The following IREB2 variants were observed in gnomAD, a reference collection of about 807,000 sequenced individuals.
IREB2 encodes the protein iron responsive element binding protein 2, also known as iron-responsive element-binding protein 2.
Under a neutral mutation model 118.8 loss-of-function variants are expected in IREB2, and 39 were observed. That is an observed-to-expected ratio of 0.33 (90% CI 0.25 to 0.43). The LOEUF is 0.43. IREB2 is among the 20% of genes least tolerant of loss of function. IREB2 has a pLI of 1.00. For missense variants in IREB2, 900 were observed against 1,147.3 expected (o/e 0.78, Z 3.11); for synonymous variants, 372 against 392.2 (o/e 0.95, Z 0.61).
intron 7 of IREB2, among the ~76,000 whole-genome samples, chr15:78,472,516 G>A (rs920712383): frequency 3.3e-5 from 5 of 152,048 alleles, no homozygotes; most frequent in South Asian, 2.1e-4. Flanking sequence ...ACAGGCACGT[G>A]CCACCACGCC....
chr15:78,474,538 C>T (rs891280530), intron 8 of IREB2: 1 of 152,148 alleles, frequency 6.6e-6, no homozygotes, highest in African/African-American at 2.4e-5. Flanking sequence ...TTAGCCTTCT[C>T]TAGCTGTTTT....
intron 18 of IREB2, among the ~76,000 whole-genome samples, chr15:78,491,164 A>G (rs1443930410): frequency 1.3e-5 from 2 of 152,174 alleles, no homozygotes; most frequent in Non-Finnish European, 2.9e-5. Context: ...TTTATGGGCT[A>G]TAACATGTAC....
At chr15:78,453,713 T>C (rs897057098) in intron 2 of IREB2, among the ~76,000 whole-genome samples, 1 of 152,156 alleles carries the variant, frequency 6.6e-6, no homozygotes, top group African/African-American at 2.4e-5. Context: ...GTAGGAACTG[T>C]TAGTTTCTAT....
chr15:78,491,624 A>G (rs1480054165), intron 18 of IREB2, among the ~76,000 whole-genome samples: 1 of 152,014 alleles, frequency 6.6e-6, no homozygotes, highest in East Asian at 1.9e-4. Context: ...CAGCCTCCCA[A>G]CTAGCTGGGA....
intron 2 of IREB2, among the ~76,000 whole-genome samples, chr15:78,441,465 AT>A (rs1256657853): frequency 5.9e-5 from 9 of 152,230 alleles, no homozygotes; most frequent in Admixed American, 2.6e-4. Context: ...CTCCAAAATA[AT>A]CTAGTGATAC....
intron 19 of IREB2, 30 bp downstream of exon 19, chr15:78,494,086 T>C: frequency 6.2e-7 from 1 of 1,613,066 alleles, no homozygotes; most frequent in East Asian, 2.2e-5. Flanking sequence ...ATTTAGACAA[T>C]TTATAACTGG....
chr15:78,458,612 C>T (rs940981038), intron 2 of IREB2, among the ~76,000 whole-genome samples: 5 of 152,118 alleles, frequency 3.3e-5, no homozygotes, highest in Non-Finnish European at 7.4e-5. Context: ...TCACCACTCA[C>T]CCCATCTAAG....
At chr15:78,479,368 ATATCT>A (rs1566985263) in intron 10 of IREB2, among the ~76,000 whole-genome samples, 1 of 150,140 alleles carries the variant, frequency 6.7e-6, no homozygotes, top group African/African-American at 2.4e-5. Flanking sequence ...GAATTTTGTA[ATATCT>A]TATGAAGTCT....
intron 2 of IREB2, among the ~76,000 whole-genome samples, chr15:78,457,432 A>G (rs1441477715): frequency 1.3e-5 from 2 of 152,144 alleles, no homozygotes; most frequent in African/African-American, 4.8e-5. Flanking sequence ...GATTCCTAAG[A>G]AAGGATGCCT....
In IREB2 at chr15:78,438,300, C is replaced by T. The variant is rs1359712971; in HGVS notation, c.-38C>T. 7.7e-6 allele frequency: 12 copies of T among 1,564,686 alleles called. No individual in the cohort carries two copies. Among genetic ancestry groups the T allele is most frequent in the Non-Finnish European group, 9.6e-6 (11 of 1,151,494 alleles). The stretch of plus-strand genomic sequence containing the variant: ...GCCCGGCCTCCCCCTTCTTCCCCCG[C>T]TGGCCCCCTCCCCGGAGGGATAATA... On this transcript the variant is annotated 5_prime_UTR_variant, in exon 1 of 22. Transcript: ENST00000258886.
chr15:78,442,092 TA>T (rs1481419824), intron 2 of IREB2, among the ~76,000 whole-genome samples: 4 of 152,018 alleles, frequency 2.6e-5, no homozygotes, highest in African/African-American at 9.7e-5. Context: ...ATGGTGGTTT[TA>T]CCATGTTGGT....
chr15:78,485,182 T>C (rs1402621984), intron 12 of IREB2, among the ~76,000 whole-genome samples: 3 of 152,236 alleles, frequency 2.0e-5, no homozygotes, highest in South Asian at 2.1e-4. Flanking sequence ...TTTAGAACTA[T>C]AGTTAATTAG....
intron 10 of IREB2, among the ~76,000 whole-genome samples, 199 bp from the exon 11 acceptor site, chr15:78,483,119 T>G (rs1256060612): frequency 2.0e-5 from 3 of 152,172 alleles, no homozygotes; most frequent in African/African-American, 4.8e-5. Context: ...TTTAGCAAAT[T>G]TTCATGTTTC....
chr15:78,496,320 T>C (rs763672075), intron 20 of IREB2, among the ~76,000 whole-genome samples: 8 of 152,228 alleles, frequency 5.3e-5, no homozygotes, highest in Non-Finnish European at 1.0e-4. Flanking sequence ...CAGGCTGGAA[T>C]GCAGTGGCAT....
chr15:78,480,686 T>TAAAAAAAA (rs373261767), intron 10 of IREB2, among the ~76,000 whole-genome samples: 1 of 89,718 alleles, frequency 1.1e-5, no homozygotes, highest in Non-Finnish European at 2.0e-5. Context: ...GAGACTGTCT[T>TAAAAAAAA]AAAAAAAAAA....
At chr15:78,465,929 C>T (rs1359873463) in intron 4 of IREB2, among the ~76,000 whole-genome samples, 4 of 152,072 alleles carry the variant, frequency 2.6e-5, no homozygotes. Context: ...AGAGGTTTTG[C>T]CCTCGAGATA....
intron 10 of IREB2, among the ~76,000 whole-genome samples, chr15:78,480,483 G>C (rs1470442133): frequency 6.6e-6 from 1 of 150,630 alleles, no homozygotes; most frequent in Non-Finnish European, 1.5e-5. Flanking sequence ...AGGAGTTCAC[G>C]ACCAGCCTAG....
intron 2 of IREB2, among the ~76,000 whole-genome samples, chr15:78,460,800 C>G (rs1365088729): frequency 6.6e-6 from 1 of 152,072 alleles, no homozygotes; most frequent in East Asian, 1.9e-4. Flanking sequence ...AATGTAAGGA[C>G]TTAACTTGGC....
chr15:78,454,021 T>C (rs975937357), intron 2 of IREB2, among the ~76,000 whole-genome samples: 4 of 152,286 alleles, frequency 2.6e-5, no homozygotes, highest in African/African-American at 7.2e-5. Flanking sequence ...GGGTACTGTA[T>C]AAAAGACAGA....
Sources: gnomAD v4.1 joint callset for allele counts (sites outside exome capture counted in the v4.1 genomes callset) on GRCh38, gnomAD v4.1.1 for gene constraint, MANE v1.5 for transcripts, NCBI Gene and HGNC (gene_info 2026-07-23, HGNC 2026-07-21) for gene names.